RIMKLA: variants seen among roughly 807,000 people sequenced by gnomAD.
RIMKLA encodes the protein ribosomal modification protein rimK like family member A.
A neutral mutation model predicts 32.7 loss-of-function variants in RIMKLA; 14 were observed. The observed-to-expected ratio is 0.43, with a 90% CI of 0.28 to 0.67. RIMKLA has a LOEUF of 0.67. Ranked by LOEUF, RIMKLA falls within the 30% of genes least tolerant of loss-of-function variation. The pLI is 0.18. For synonymous variants in RIMKLA, 176 were observed against 204.1 expected (o/e 0.86, Z 1.18); for missense variants, 410 against 519.0 (o/e 0.79, Z 2.04).
chr1:42,406,794 T>C (rs1430607413), intron 3 of RIMKLA, among the ~76,000 whole-genome samples: 1 of 152,206 alleles, frequency 6.6e-6, no homozygotes, highest in Admixed American at 6.5e-5. Context: ...GTTGAACATC[T>C]TTTCATGTGC....
rs74068416 is a variant in RIMKLA at position 42,399,621 on chromosome 1, C to T, written c.381C>T (p.Asp127=). ...CTGGACATGGGGTCCCCATGCCAGA[C>T]ACCTTCTCCTATGGTGAGTCAGCTT... The part of the protein sequence containing the change: ...ELAGHGVPMP[D]TFSYGGHEDF... Residue 127 remains aspartate (D), a synonymous_variant, in exon 2 of 5, where the codon GAC becomes GAT. Coordinates refer to ENST00000431473, the MANE Select transcript of RIMKLA (RefSeq NM_173642.4). 4,751 of 1,603,210 alleles carry T rather than the reference C, an allele frequency of 3.0e-3. 120 individuals are homozygous for T. The African/African-American group carries it at 0.057, about 19-fold the overall frequency.
At chr1:42,387,944 G>A (rs905708240) in intron 1 of RIMKLA, among the ~76,000 whole-genome samples, 1 of 152,200 alleles carries the variant, frequency 6.6e-6, no homozygotes, top group African/African-American at 2.4e-5. Flanking sequence ...GGTGGCCGGA[G>A]TGGTCCTCAC....
chr1:42,420,531 T>C lies in RIMKLA; in HGVS notation c.*5557T>C, dbSNP rs972189713. Reference sequence around the variant, plus strand: ...ATACAACCAGATGGATAGCCATTCCTTTTCTTAATTTGATTCCTGCCAACA... The same window carrying C: ...ATACAACCAGATGGATAGCCATTCCCTTTCTTAATTTGATTCCTGCCAACA... On this transcript the variant is annotated 3_prime_UTR_variant, in exon 5 of 5. Transcript: ENST00000431473. 3.3e-5 allele frequency: 5 copies of C among 152,262 alleles called. No individual in the cohort carries two copies. Among genetic ancestry groups the C allele is most frequent in the African/African-American group, 1.2e-4 (5 of 41,452 alleles). The allele number at this position is 152,262 out of a possible 1,614,324, so 9.4% of individuals were successfully genotyped here.
Position 42,416,097 on chromosome 1 carries a change from G to T in RIMKLA, c.*1123G>T, listed in dbSNP as rs1019243712. ...CCATTGCACATTTTGCGGGGGGGGG[G>T]GCTAATGTAGACATGACACCAAGTG... On this transcript the variant is annotated 3_prime_UTR_variant, in exon 5 of 5. Coordinates refer to ENST00000431473, the MANE Select transcript of RIMKLA (RefSeq NM_173642.4). The T allele has an allele frequency of 1.3e-4, 17 of 130,098 alleles. 4 individuals carry two copies. The highest frequency in any genetic ancestry group is 6.6e-4 in the East Asian group (3 of 4,526). 8.1% of individuals were successfully genotyped at this position (130,098 alleles called of 1,614,324 possible).
Position 42,399,595 on chromosome 1 carries a change from G to T in RIMKLA, c.355G>T (p.Ala119Ser). ...INKFWTFQEL[A>S]GHGVPMPDTF... ...CAAATTCTGGACGTTCCAAGAACTG[G>T]CTGGACATGGGGTCCCCATGCCAGA... The change falls in exon 2 of 5, where the codon GCT (alanine) becomes TCT (serine). Residue 119 changes from alanine (A) to serine (S), a missense_variant. Transcript: ENST00000431473. 2 of 1,611,926 alleles carry T rather than the reference G, an allele frequency of 1.2e-6. No individual in the cohort carries two copies. Among genetic ancestry groups the T allele is most frequent in the African/African-American group, 2.7e-5 (2 of 75,024 alleles).
At chr1:42,382,316 A>C (rs777750805) in intron 1 of RIMKLA, among the ~76,000 whole-genome samples, 1 of 152,234 alleles carries the variant, frequency 6.6e-6, no homozygotes, top group Non-Finnish European at 1.5e-5. Flanking sequence ...TAAAACTGTC[A>C]CAGTTAATGT....
chr1:42,382,097 TACA>T (rs1642894396), intron 1 of RIMKLA, among the ~76,000 whole-genome samples: 1 of 152,242 alleles, frequency 6.6e-6, no homozygotes, highest in Non-Finnish European at 1.5e-5. Flanking sequence ...AAAGACTACT[TACA>T]AGTGAGATTT....
At chr1:42,408,801 C>A (rs1056508785) in intron 3 of RIMKLA, among the ~76,000 whole-genome samples, 1 of 152,188 alleles carries the variant, frequency 6.6e-6, no homozygotes, top group African/African-American at 2.4e-5. Context: ...AAAACCATCT[C>A]TTTGTTCCAT....
intron 1 of RIMKLA, among the ~76,000 whole-genome samples, chr1:42,397,937 C>G (rs191826567): frequency 6.6e-6 from 1 of 152,074 alleles, no homozygotes; most frequent in Admixed American, 6.6e-5. Context: ...GATGTCAGGA[C>G]TGGGAGGGAC....
At position 42,414,629 on chromosome 1, in the gene RIMKLA, T is replaced by C; in HGVS notation, c.831T>C (p.Asn277=). 3.7e-6 allele frequency: 6 copies of C among 1,614,238 alleles called. No individual in the cohort carries two copies. Among genetic ancestry groups the C allele is most frequent in the Non-Finnish European group, 5.1e-6 (6 of 1,180,038 alleles). Residue 277 remains asparagine (N), a synonymous_variant, in exon 5 of 5, where the codon AAT becomes AAC. Transcript: ENST00000431473. ...GSFVVCEANA[N]VGFLAFDQAC... ...TTGTGGTGTGTGAGGCAAATGCTAA[T>C]GTTGGCTTCCTAGCCTTTGACCAGG...
chr1:42,392,849 A>G (rs1450615318), intron 1 of RIMKLA, among the ~76,000 whole-genome samples: 5 of 152,086 alleles, frequency 3.3e-5, no homozygotes, highest in Non-Finnish European at 7.4e-5. Flanking sequence ...AAAATTAGCC[A>G]GGCATGGTGG....
At position 42,392,835 on chromosome 1, in the gene RIMKLA, T is replaced by C. The variant is rs1643011636; in HGVS notation, c.164-6569T>C. ...GGTGAAAACCCGTCTCTACAAAAAA[T>C]ACAAAAATTAGCCAGGCATGGTGGC... is the stretch of plus-strand genomic sequence containing the variant. On this transcript the variant is annotated intron_variant, in intron 1 of 4. Coordinates refer to ENST00000431473, the MANE Select transcript of RIMKLA (RefSeq NM_173642.4). Among the ~76,000 whole-genome samples, 3 of 151,950 alleles carry C rather than the reference T, an allele frequency of 2.0e-5. No individual in the cohort carries two copies. In the South Asian group the frequency reaches 6.2e-4, roughly 31 times the overall value.
At position 42,421,312 on chromosome 1, in the gene RIMKLA, T is replaced by A. The variant is rs1388437203; in HGVS notation, c.*6338T>A. 1 of 152,104 alleles carries A rather than the reference T, an allele frequency of 6.6e-6. No individual in the cohort carries two copies. The highest frequency in any genetic ancestry group is 1.9e-4 in the East Asian group (1 of 5,196). 9.4% of individuals were successfully genotyped at this position (152,104 alleles called of 1,614,324 possible). On this transcript the variant is annotated 3_prime_UTR_variant, in exon 5 of 5. Transcript: ENST00000431473. This position sits in a 1 kb window ranked among gnomAD's most constrained non-coding sequence, Gnocchi z 4.6. Reference sequence around the variant, plus strand: ...CTGTATTAGGTTTGCTGGCTTCGCATCAAATGGAAGGAGGTGGTGCCAGGG... The same window carrying A: ...CTGTATTAGGTTTGCTGGCTTCGCAACAAATGGAAGGAGGTGGTGCCAGGG...
At position 42,415,952 on chromosome 1, in the gene RIMKLA, G is replaced by A. The variant is rs1287516951; in HGVS notation, c.*978G>A. On this transcript the variant is annotated 3_prime_UTR_variant, in exon 5 of 5. Transcript: ENST00000431473. ...TATGAGTGGGTGTTGGAGGTCTATT[G>A]AGTAGATGGGAGCCATTGGAAACAC... is the stretch of plus-strand genomic sequence containing the variant. 1 of 152,094 alleles carries A rather than the reference G, an allele frequency of 6.6e-6. No individual in the cohort carries two copies. The highest frequency in any genetic ancestry group is 1.5e-5 in the Non-Finnish European group (1 of 68,018). The allele number at this position is 152,094 out of a possible 1,614,324, so 9.4% of individuals were successfully genotyped here.
chr1:42,391,303 G>C (rs1317213981), intron 1 of RIMKLA, among the ~76,000 whole-genome samples: 3 of 152,284 alleles, frequency 2.0e-5, no homozygotes, highest in African/African-American at 7.2e-5. Flanking sequence ...TTCAAGAACA[G>C]AGGGAGTGAC....
At chr1:42,386,713 TAAA>T (rs34046316) in intron 1 of RIMKLA, among the ~76,000 whole-genome samples, 1 of 140,014 alleles carries the variant, frequency 7.1e-6, no homozygotes. Flanking sequence ...CCGTCTCTAC[TAAA>T]AAAAAAAAAA....
intron 1 of RIMKLA, among the ~76,000 whole-genome samples, chr1:42,383,707 C>G (rs1302055768): frequency 6.6e-6 from 1 of 152,222 alleles, no homozygotes; most frequent in Non-Finnish European, 1.5e-5. Context: ...ATCAACCATT[C>G]TAATTCCTTC....
chr1:42,384,543 A>G (rs143411654), intron 1 of RIMKLA, among the ~76,000 whole-genome samples: 18 of 139,600 alleles, frequency 1.3e-4, no homozygotes, highest in South Asian at 2.3e-4. Context: ...ATATATATGT[A>G]TATATATGTG....
intron 1 of RIMKLA, among the ~76,000 whole-genome samples, chr1:42,390,283 C>T (rs1347177105): frequency 2.0e-5 from 3 of 152,158 alleles, no homozygotes; most frequent in East Asian, 1.9e-4. Context: ...AGTGATTTGC[C>T]GGCCTCAGCC....
Sources: allele counts gnomAD v4.1 joint callset (sites outside exome capture counted in the v4.1 genomes callset), GRCh38; gene constraint gnomAD v4.1.1; non-coding constraint Gnocchi (gnomAD v3.1); transcripts MANE v1.5; gene names NCBI Gene and HGNC (gene_info 2026-07-23, HGNC 2026-07-21).